The following STRADB variants were observed in gnomAD, a reference collection of about 807,000 sequenced individuals.
STRADB encodes the protein STE20-related kinase adapter protein beta.
Under a neutral mutation model 52.1 loss-of-function variants are expected in STRADB, and 34 were observed. The observed-to-expected ratio is 0.65, with a 90% CI of 0.50 to 0.87. The LOEUF is 0.87. STRADB is among the 40% of genes least tolerant of loss of function. STRADB has a pLI of 0.00. For synonymous variants in STRADB, 133 were observed against 174.5 expected, an observed-to-expected ratio of 0.76 and a Z score of 1.87; for missense variants, 340 against 483.9, an observed-to-expected ratio of 0.70 and a Z score of 2.79.
At chr2:201,468,211 G>A (rs1309025492) in intron 3 of STRADB, among the ~76,000 whole-genome samples, 2 of 150,636 alleles carry the variant, frequency 1.3e-5, no homozygotes, top group African/African-American at 4.9e-5. Context: ...CAGAGCAAAG[G>A]CAAGGACTTT....
intron 1 of STRADB, among the ~76,000 whole-genome samples, chr2:201,454,384 CA>C (rs932109092): frequency 2.6e-5 from 4 of 151,970 alleles, no homozygotes; most frequent in Non-Finnish European, 5.9e-5. Flanking sequence ...AAAAGTGGGC[CA>C]AAAATTGGTT....
chr2:201,457,583 G>A (rs2125671899), intron 2 of STRADB: 1 of 152,214 alleles, frequency 6.6e-6, no homozygotes, highest in East Asian at 1.9e-4. Flanking sequence ...AGTTTGATTA[G>A]TGAGAAATTC....
intron 1 of STRADB, among the ~76,000 whole-genome samples, chr2:201,452,301 C>T (rs1040875027): frequency 2.0e-5 from 3 of 152,180 alleles, no homozygotes; most frequent in Non-Finnish European, 4.4e-5. Context: ...GGGGAGTTGC[C>T]ATATCGAAGA....
chr2:201,469,644 T>C (rs1400646551), intron 3 of STRADB, among the ~76,000 whole-genome samples: 3 of 152,210 alleles, frequency 2.0e-5, no homozygotes, highest in African/African-American at 7.2e-5. Flanking sequence ...GGTACATTTG[T>C]CAGCTATCCT....
chr2:201,478,410 T>A lies in STRADB; in HGVS notation c.879T>A (p.Ile293=), dbSNP rs1559469690. The A allele has an allele frequency of 6.2e-7, 1 of 1,614,158 alleles. No homozygotes were observed. The highest frequency in any genetic ancestry group is 8.5e-7 in the Non-Finnish European group (1 of 1,180,038). The change falls in exon 10 of 12, where the codon ATT becomes ATA. Residue 293 remains isoleucine, a synonymous_variant. Transcript: ENST00000194530. ...CTTATAGCCCATTGGATATCAGTAT[T>A]TTCCCTCAATCAGAATCCAGAATGA... ...GPPYSPLDIS[I]FPQSESRMKN... is the part of the protein sequence containing the mutation.
chr2:201,457,276 A>G (rs1472651573), intron 2 of STRADB: 1 of 152,234 alleles, frequency 6.6e-6, no homozygotes, highest in Non-Finnish European at 1.5e-5. Context: ...ATAAATACCA[A>G]ACAATATATA....
At chr2:201,463,133 T>C (rs953614353) in intron 3 of STRADB, among the ~76,000 whole-genome samples, 4 of 152,102 alleles carry the variant, frequency 2.6e-5, no homozygotes, top group Non-Finnish European at 5.9e-5. Flanking sequence ...GTCAGGAGAT[T>C]GAGACCATCC....
At chr2:201,467,050 A>G (rs2125677379) in intron 3 of STRADB, among the ~76,000 whole-genome samples, 1 of 152,242 alleles carries the variant, frequency 6.6e-6, no homozygotes, top group East Asian at 1.9e-4. Flanking sequence ...CATAAACTGG[A>G]TTTAGTCAGC....
At chr2:201,460,000 C>A (rs369879647) in intron 3 of STRADB, among the ~76,000 whole-genome samples, 3 of 152,096 alleles carry the variant, frequency 2.0e-5, no homozygotes, top group Non-Finnish European at 4.4e-5. Context: ...TCTTTGGGAT[C>A]TTTTCCTCTC....
chr2:201,468,055 G>T, intron 3 of STRADB, among the ~76,000 whole-genome samples: 1 of 144,638 alleles, frequency 6.9e-6, no homozygotes, highest in Non-Finnish European at 1.5e-5. Flanking sequence ...TAGCTGTTCA[G>T]GATGATTGTG....
chr2:201,455,941 TA>T (rs1376098693), intron 2 of STRADB, among the ~76,000 whole-genome samples: 4 of 152,150 alleles, frequency 2.6e-5, no homozygotes, highest in Non-Finnish European at 4.4e-5. Context: ...TTGTTAGTAA[TA>T]TGGAAAATAC....
At chr2:201,453,090 G>C (rs1255468675) in intron 1 of STRADB, among the ~76,000 whole-genome samples, 2 of 143,552 alleles carry the variant, frequency 1.4e-5, no homozygotes, top group Non-Finnish European at 3.0e-5. Flanking sequence ...AAAATGTCTT[G>C]TAAAATTATC....
At chr2:201,457,880 G>A (rs111577698) in intron 2 of STRADB, among the ~76,000 whole-genome samples, 38 of 152,000 alleles carry the variant, frequency 2.5e-4, no homozygotes, top group African/African-American at 8.4e-4. Flanking sequence ...AAAAATTAGC[G>A]GGGCGTGGTG....
intron 1 of STRADB, among the ~76,000 whole-genome samples, chr2:201,453,645 C>G (rs756322586): frequency 6.6e-6 from 1 of 152,026 alleles, no homozygotes; most frequent in Non-Finnish European, 1.5e-5. Context: ...CCAAATAAAC[C>G]TTATAGTTTT....
intron 1 of STRADB, 22 bp from the exon 2 acceptor site, chr2:201,454,724 A>G (rs1952101880): frequency 4.0e-6 from 4 of 991,718 alleles, no homozygotes; most frequent in Non-Finnish European, 5.9e-6. Flanking sequence ...AATCTAAATT[A>G]TTTTGCTTTT....
At chr2:201,479,316 T>G (rs185315752) in intron 10 of STRADB, 173 bp from the exon 11 acceptor site, 173 of 596,796 alleles carry the variant, frequency 2.9e-4, no homozygotes, top group African/African-American at 2.8e-3. Flanking sequence ...CCTCTACAAT[T>G]ATTTCCTTTA....
intron 2 of STRADB, among the ~76,000 whole-genome samples, chr2:201,458,436 G>A (rs546446675): frequency 6.6e-6 from 1 of 152,094 alleles, no homozygotes; most frequent in Non-Finnish European, 1.5e-5. Context: ...ATAATCTTTG[G>A]CTAAATATTC....
At chr2:201,461,296 C>T (rs1326575407) in intron 3 of STRADB, among the ~76,000 whole-genome samples, 1 of 152,064 alleles carries the variant, frequency 6.6e-6, no homozygotes, top group Non-Finnish European at 1.5e-5. Flanking sequence ...TCAAGCAATC[C>T]TTTCACCTCA....
intron 7 of STRADB, among the ~76,000 whole-genome samples, chr2:201,476,981 CAAAAAAAAAAAAAAAAAA>C (rs749872871): frequency 3.3e-5 from 1 of 30,052 alleles, no homozygotes; most frequent in South Asian, 2.5e-3. Flanking sequence ...GATTCTGTCT[CAAAAAAAAAAAAAAAAAA>C]AAAAGTGAAA....
Sources: allele counts gnomAD v4.1 joint callset (sites outside exome capture counted in the v4.1 genomes callset), GRCh38; gene constraint gnomAD v4.1.1; transcripts MANE v1.5; gene names NCBI Gene and HGNC (gene_info 2026-07-23, HGNC 2026-07-21).